The following ASCC3 variants were observed in gnomAD, a reference collection of about 807,000 sequenced individuals.
ASCC3 encodes activating signal cointegrator 1 complex subunit 3.
ASCC3 carries 158 observed loss-of-function variants against 256.3 expected under a neutral mutation model. That is an observed-to-expected ratio of 0.62 (90% CI 0.54 to 0.70). The LOEUF (loss-of-function observed/expected upper bound fraction) is 0.70. Ranked by LOEUF, ASCC3 falls within the 30% of genes least tolerant of loss-of-function variation. The pLI, the probability that ASCC3 is intolerant of heterozygous loss-of-function variation, is 0.00. For synonymous variants in ASCC3, 948 were observed against 883.4 expected (o/e 1.07, Z -1.30); for missense variants, 2,259 against 2,626.0 (o/e 0.86, Z 3.05).
intron 10 of ASCC3, among the ~76,000 whole-genome samples, chr6:100,762,959 A>G (rs933748449): frequency 6.6e-6 from 1 of 152,228 alleles, no homozygotes; most frequent in South Asian, 2.1e-4. Context: ...CAAATTTAAG[A>G]TTATATTTGA....
At chr6:100,843,425 A>G (rs13216293) in intron 4 of ASCC3, among the ~76,000 whole-genome samples, 1 of 152,220 alleles carries the variant, frequency 6.6e-6, no homozygotes, top group Non-Finnish European at 1.5e-5. Flanking sequence ...GAAGCAGCCC[A>G]TCTGCACAAA....
At chr6:100,698,925 A>T (rs2114995469) in intron 13 of ASCC3, among the ~76,000 whole-genome samples, 1 of 152,256 alleles carries the variant, frequency 6.6e-6, no homozygotes, top group Admixed American at 6.5e-5. Flanking sequence ...CTATTCACTT[A>T]TTCATCAAAC....
chr6:100,693,252 C>T (rs1777921872), intron 13 of ASCC3, among the ~76,000 whole-genome samples: 2 of 151,920 alleles, frequency 1.3e-5, no homozygotes. Context: ...TTTAGCCAAA[C>T]CAACAAACTG....
intron 36 of ASCC3, among the ~76,000 whole-genome samples, chr6:100,549,828 G>C (rs1467359032): frequency 6.6e-6 from 1 of 151,954 alleles, no homozygotes; most frequent in African/African-American, 2.4e-5. Flanking sequence ...ACAGAGAAGA[G>C]CACTGAAGAA....
At chr6:100,703,780 CATAG>C (rs1383589340) in intron 13 of ASCC3, among the ~76,000 whole-genome samples, 2 of 151,824 alleles carry the variant, frequency 1.3e-5, no homozygotes, top group Non-Finnish European at 2.9e-5. Context: ...ACACCTTACC[CATAG>C]AATGTCTATA....
At chr6:100,623,958 G>A (rs1562175738) in intron 30 of ASCC3, among the ~76,000 whole-genome samples, 1 of 151,618 alleles carries the variant, frequency 6.6e-6, no homozygotes. Context: ...ACATACCAGG[G>A]CCTGTTGTGG....
In ASCC3 at chr6:100,848,517, A is replaced by G; in HGVS notation, c.432T>C (p.Asp144=). 1.2e-6 allele frequency: 2 copies of G among 1,614,148 alleles called. No individual in the cohort carries two copies. Among genetic ancestry groups the G allele is most frequent in the Non-Finnish European group, 1.7e-6 (2 of 1,180,008 alleles). The part of the protein sequence containing the change: ...TNRIISHFSQ[D]DLTALVQMTE... ...TCATCTGCACAAGAGCAGTAAGATC[A>G]TCTTGACTAAAATGAGAAATAATTC... Residue 144 remains aspartate (D), a synonymous_variant, in exon 4 of 42, where the codon GAT becomes GAC. Transcript: ENST00000369162.
intron 12 of ASCC3, among the ~76,000 whole-genome samples, chr6:100,716,505 T>A (rs1352506829): frequency 1.3e-5 from 2 of 151,916 alleles, no homozygotes; most frequent in Non-Finnish European, 2.9e-5. Flanking sequence ...TTCATTAATG[T>A]AAACATTTTA....
chr6:100,790,265 T>G (rs188479126), intron 8 of ASCC3, among the ~76,000 whole-genome samples: 1 of 152,082 alleles, frequency 6.6e-6, no homozygotes, highest in East Asian at 1.9e-4. Flanking sequence ...AGGCATAATT[T>G]AACTTGATTC....
intron 13 of ASCC3, among the ~76,000 whole-genome samples, chr6:100,698,356 T>C (rs1268022002): frequency 6.6e-6 from 1 of 152,078 alleles, no homozygotes; most frequent in East Asian, 1.9e-4. Flanking sequence ...TTTTAAAAAC[T>C]GTTGTATAAA....
chr6:100,835,223 G>C (rs1771817026), intron 4 of ASCC3, among the ~76,000 whole-genome samples: 2 of 151,884 alleles, frequency 1.3e-5, no homozygotes, highest in Admixed American at 1.3e-4. Flanking sequence ...CATTCCTTAG[G>C]CTGTATTTTC....
intron 36 of ASCC3, among the ~76,000 whole-genome samples, chr6:100,580,852 G>A (rs916196938): frequency 3.3e-5 from 5 of 150,800 alleles, no homozygotes; most frequent in East Asian, 2.0e-4. Context: ...TTGGTCTTGC[G>A]ATAGTTTACT....
At chr6:100,734,212 G>C (rs1780039221) in intron 10 of ASCC3, among the ~76,000 whole-genome samples, 1 of 151,712 alleles carries the variant, frequency 6.6e-6, no homozygotes, top group South Asian at 2.1e-4. Flanking sequence ...ATTATGAAGG[G>C]GATTCTCATT....
chr6:100,576,675 A>G (rs1414806358), intron 36 of ASCC3, among the ~76,000 whole-genome samples: 2 of 151,882 alleles, frequency 1.3e-5, no homozygotes, highest in Non-Finnish European at 2.9e-5. Context: ...AGTAAAAAGT[A>G]ATTATTATTT....
intron 37 of ASCC3, among the ~76,000 whole-genome samples, chr6:100,538,239 T>C (rs554867052): frequency 6.6e-6 from 1 of 152,110 alleles, no homozygotes; most frequent in Non-Finnish European, 1.5e-5. Context: ...GGAAAGGAAG[T>C]TATAGGAAAC....
chr6:100,669,723 G>C (rs1222051749), intron 14 of ASCC3, among the ~76,000 whole-genome samples: 1 of 151,656 alleles, frequency 6.6e-6, no homozygotes, highest in Non-Finnish European at 1.5e-5. Flanking sequence ...TGATAAAAAA[G>C]AAGAAACAAT....
At chr6:100,640,116 CA>C (rs1483031490) in intron 24 of ASCC3, among the ~76,000 whole-genome samples, 3 of 151,242 alleles carry the variant, frequency 2.0e-5, no homozygotes, top group African/African-American at 7.3e-5. Flanking sequence ...CTCTGTCTCA[CA>C]AATAAAATAA....
At chr6:100,622,330 A>T (rs1773995704) in intron 30 of ASCC3, among the ~76,000 whole-genome samples, 1 of 152,272 alleles carries the variant, frequency 6.6e-6, no homozygotes, top group African/African-American at 2.4e-5. Context: ...TTGTCATGAT[A>T]GAGAGAGTTC....
chr6:100,518,679 A>G (rs1334868301), intron 37 of ASCC3, among the ~76,000 whole-genome samples: 3 of 152,168 alleles, frequency 2.0e-5, no homozygotes, highest in Non-Finnish European at 2.9e-5. Context: ...CTAGTGGTAC[A>G]TGTGGAATGA....
Sources: gnomAD v4.1 joint callset for allele counts (sites outside exome capture counted in the v4.1 genomes callset) on GRCh38, gnomAD v4.1.1 for gene constraint, MANE v1.5 for transcripts, NCBI Gene and HGNC (gene_info 2026-07-23, HGNC 2026-07-21) for gene names.